The following MTRF1 variants were observed in gnomAD, a reference collection of about 807,000 sequenced individuals.
The protein encoded by MTRF1 is peptide chain release factor 1, mitochondrial.
In MTRF1, 51 loss-of-function variants were observed where a neutral mutation model predicts 62.9. That is an observed-to-expected ratio of 0.81 (90% CI 0.65 to 1.02). The LOEUF (loss-of-function observed/expected upper bound fraction) is 1.02, where lower values mean the gene tolerates loss of function less well. Among genes scored for constraint, MTRF1 ranks in the 50% least tolerant of loss-of-function variants. MTRF1 has a pLI of 0.00. For missense variants in MTRF1, 446 were observed against 530.0 expected (o/e 0.84, Z 1.56); for synonymous variants, 158 against 181.9 (o/e 0.87, Z 1.06).
rs568294561 is a variant in MTRF1, at chr13:41,234,828, C to G, written c.871-821G>C. Reference sequence around the variant, plus strand: ...AACACTCTGCCTTCTTGTGGCAGCTCTCCTACAGAGATGACCAGAGAATGG... The same window carrying G: ...AACACTCTGCCTTCTTGTGGCAGCTGTCCTACAGAGATGACCAGAGAATGG... On this transcript the variant is annotated intron_variant, in intron 6 of 9. Coordinates refer to ENST00000379480, the MANE Select transcript of MTRF1 (RefSeq NM_004294.4). 5.8e-4 allele frequency among the ~76,000 whole-genome samples: 88 copies of G among 152,276 alleles called. 1 individual carries two copies. The South Asian group carries it at 6.2e-3, about 11-fold the overall frequency.
intron 5 of MTRF1, among the ~76,000 whole-genome samples, chr13:41,250,745 C>T (rs909625435): frequency 1.3e-5 from 2 of 152,116 alleles, no homozygotes; most frequent in African/African-American, 4.8e-5. Context: ...GGATTATAGG[C>T]GTGAGCCACT....
intron 3 of MTRF1, 22 bp from the exon 4 acceptor site, chr13:41,253,052 G>A: frequency 2.6e-6 from 4 of 1,544,418 alleles, no homozygotes; most frequent in African/African-American, 2.8e-5. Context: ...ATCAGCATTT[G>A]TGTGTATATT....
chr13:41,269,465 T>G, the MTRF1 span, among the ~76,000 whole-genome samples: 39 of 152,122 alleles, frequency 2.6e-4, no homozygotes, highest in East Asian at 7.3e-3. Flanking sequence ...CCCAAAGTAC[T>G]GGGATTACAG....
chr13:41,253,115 A>C, intron 3 of MTRF1, 85 bp from the exon 4 acceptor site: 4 of 1,049,804 alleles, frequency 3.8e-6, no homozygotes, highest in Non-Finnish European at 5.6e-6. Context: ...ACATTGAAAA[A>C]AATCAATAAT....
chr13:41,289,215 G>C, the MTRF1 span, among the ~76,000 whole-genome samples: 1 of 146,918 alleles, frequency 6.8e-6, no homozygotes, highest in African/African-American at 2.5e-5. Context: ...GATTTGTGCA[G>C]TGAAAAGTGG....
chr13:41,240,488 G>A (rs2037341984), intron 5 of MTRF1, 55 bp from the exon 6 acceptor site: 1 of 1,523,094 alleles, frequency 6.6e-7, no homozygotes, highest in Non-Finnish European at 8.9e-7. Context: ...AACAGATCAG[G>A]ATCCTAAATG....
At chr13:41,257,396 T>C (rs978229893) in intron 2 of MTRF1, among the ~76,000 whole-genome samples, 4 of 152,046 alleles carry the variant, frequency 2.6e-5, no homozygotes, top group Middle Eastern at 3.2e-3. Flanking sequence ...GTGGAAGGAA[T>C]AGAACAGGAC....
the MTRF1 span, chr13:41,311,278 G>A: frequency 1.8e-6 from 1 of 553,988 alleles, no homozygotes; most frequent in Non-Finnish European, 3.2e-6. Flanking sequence ...CAGTGCGCGG[G>A]AACCGCCGCC....
chr13:41,261,179 C>T (rs1033227761), intron 1 of MTRF1, among the ~76,000 whole-genome samples: 1 of 152,066 alleles, frequency 6.6e-6, no homozygotes, highest in African/African-American at 2.4e-5. Flanking sequence ...ACTAAAAATA[C>T]AAAAATTATC....
At chr13:41,298,386 A>AAATATTGT in the MTRF1 span, among the ~76,000 whole-genome samples, 1 of 4,260 alleles carries the variant, frequency 2.3e-4, no homozygotes, top group South Asian at 7.9e-3. Flanking sequence ...AGTTAGCACT[A>AAATATTGT]TTACGAAGTT....
At chr13:41,244,620 G>A (rs887597395) in intron 5 of MTRF1, among the ~76,000 whole-genome samples, 23 of 152,244 alleles carry the variant, frequency 1.5e-4, no homozygotes, top group African/African-American at 4.6e-4. Context: ...GTCACCTTCC[G>A]AGGTTAGATT....
intron 7 of MTRF1, 48 bp downstream of exon 7, chr13:41,233,842 G>T: frequency 7.0e-7 from 1 of 1,427,314 alleles, no homozygotes; most frequent in Non-Finnish European, 9.9e-7. Context: ...CAAATGCTGA[G>T]TAAGATGGAA....
chr13:41,275,775 G>A, the MTRF1 span, among the ~76,000 whole-genome samples: 1 of 152,176 alleles, frequency 6.6e-6, no homozygotes, highest in Non-Finnish European at 1.5e-5. Context: ...TTACAGGCGT[G>A]AACCACTGTG....
At chr13:41,298,383 A>ATG in the MTRF1 span, among the ~76,000 whole-genome samples, 4 of 151,848 alleles carry the variant, frequency 2.6e-5, no homozygotes, top group Admixed American at 2.6e-4. Context: ...GTAAGTTAGC[A>ATG]CTATTACGAA....
the MTRF1 span, among the ~76,000 whole-genome samples, chr13:41,276,556 T>G: frequency 6.6e-6 from 1 of 152,180 alleles, no homozygotes; most frequent in Non-Finnish European, 1.5e-5. Context: ...TTTTTATACT[T>G]ACTGAAATCA....
At chr13:41,233,496 T>G (rs1021266423) in intron 7 of MTRF1, among the ~76,000 whole-genome samples, 6 of 152,208 alleles carry the variant, frequency 3.9e-5, no homozygotes, top group African/African-American at 1.4e-4. Context: ...ATACCAAAAT[T>G]ACCAATATTC....
At chr13:41,289,365 G>T in the MTRF1 span, among the ~76,000 whole-genome samples, 1 of 151,838 alleles carries the variant, frequency 6.6e-6, no homozygotes, top group Non-Finnish European at 1.5e-5. Flanking sequence ...AGCCTCCCAG[G>T]TAGCTGGGGT....
At chr13:41,219,758 G>A (rs190650088) in intron 9 of MTRF1, among the ~76,000 whole-genome samples, 20 of 152,240 alleles carry the variant, frequency 1.3e-4, no homozygotes, top group African/African-American at 4.8e-4. Context: ...CAGCACTTTG[G>A]GAGGCCAAGA....
At chr13:41,284,099 C>T in the MTRF1 span, among the ~76,000 whole-genome samples, 7 of 141,128 alleles carry the variant, frequency 5.0e-5, no homozygotes, top group Non-Finnish European at 1.6e-5. Context: ...CAACACTTTC[C>T]TATCTGTAGC....
Sources: gnomAD v4.1 joint callset for allele counts (sites outside exome capture counted in the v4.1 genomes callset) on GRCh38, gnomAD v4.1.1 for gene constraint, MANE v1.5 for transcripts, NCBI Gene and HGNC (gene_info 2026-07-23, HGNC 2026-07-21) for gene names.